The following RCOR3 variants were observed in gnomAD, a reference collection of about 807,000 sequenced individuals.
RCOR3 encodes the protein REST corepressor 3.
RCOR3 carries 13 observed loss-of-function variants against 64.1 expected under a neutral mutation model. The observed-to-expected ratio is 0.20, with a 90% confidence interval of 0.13 to 0.32. The LOEUF (loss-of-function observed/expected upper bound fraction) is 0.32. Ranked by LOEUF, RCOR3 falls within the 10% of genes least tolerant of loss-of-function variation. The pLI, the probability that RCOR3 is intolerant of heterozygous loss-of-function variation, is 1.00. For synonymous variants in RCOR3, 215 were observed against 239.0 expected (o/e 0.90, Z 0.93); for missense variants, 489 against 701.2 (o/e 0.70, Z 3.42).
At chr1:211,261,471 C>CT (rs966605838) in intron 2 of RCOR3, among the ~76,000 whole-genome samples, 35 of 152,320 alleles carry the variant, frequency 2.3e-4, no homozygotes, top group African/African-American at 7.9e-4. Flanking sequence ...TATTCAAAGA[C>CT]TATCAGTGTG....
chr1:211,292,631 T>G (rs889140437), intron 8 of RCOR3, among the ~76,000 whole-genome samples: 10 of 152,348 alleles, frequency 6.6e-5, no homozygotes, highest in African/African-American at 2.4e-4. Context: ...CACAAACATC[T>G]CATATGCAGT....
At chr1:211,295,785 A>G (rs775866684) in intron 9 of RCOR3, 32 bp downstream of exon 9, 22 of 1,588,422 alleles carry the variant, frequency 1.4e-5, no homozygotes, top group Non-Finnish European at 1.9e-5. Flanking sequence ...GTGATTAAGT[A>G]TAGTGAAAAC....
chr1:211,294,107 A>G (rs1571945335), intron 8 of RCOR3, among the ~76,000 whole-genome samples: 1 of 152,092 alleles, frequency 6.6e-6, no homozygotes, highest in African/African-American at 2.4e-5. Flanking sequence ...CAGTTAATAT[A>G]CTCTGGAAAA....
chr1:211,295,819 C>T, intron 9 of RCOR3, 66 bp downstream of exon 9: 1 of 1,256,398 alleles, frequency 8.0e-7, no homozygotes, highest in South Asian at 1.2e-5. Flanking sequence ...TATCTAGTGC[C>T]CAAGTACTAT....
At chr1:211,279,910 T>G (rs1697539683) in intron 7 of RCOR3, among the ~76,000 whole-genome samples, 1 of 152,170 alleles carries the variant, frequency 6.6e-6, no homozygotes, top group Admixed American at 6.6e-5. Flanking sequence ...CTATTCACGG[T>G]CTAAGAGATG....
At chr1:211,261,432 C>T (rs1480166364) in intron 2 of RCOR3, among the ~76,000 whole-genome samples, 1 of 152,118 alleles carries the variant, frequency 6.6e-6, no homozygotes, top group African/African-American at 2.4e-5. Flanking sequence ...TTTGGGTTGC[C>T]TTCTAAATGA....
intron 9 of RCOR3, among the ~76,000 whole-genome samples, chr1:211,298,127 G>T (rs115118311): frequency 0.027 from 4,040 of 152,258 alleles, 73 homozygotes; most frequent in Non-Finnish European, 0.038. Context: ...ACACAAAGAT[G>T]TGGACAAGAT....
In RCOR3 at chr1:211,313,569, G is replaced by A. The variant is rs1558119002; in HGVS notation, c.1463G>A (p.Arg488Gln). The change falls in exon 12 of 12, where the codon CGG (arginine) becomes CAG (glutamine). Residue 488 changes from arginine (R) to glutamine (Q), a missense_variant. By Grantham distance (43) the Arg-to-Gln change is conservative. Coordinates refer to ENST00000419091, the MANE Select transcript of RCOR3 (RefSeq NM_001136223.3). The surrounding 1 kb of genome is among the most constrained non-coding windows in gnomAD (Gnocchi z 4.7). ...CTGCCTGCTGCCCCGGCTCTTCACC[G>A]GCAGCCTCCTCCACTCCAGCAGCAG... Reference protein sequence around the residue: ...PTLPAAPALHRQPPPLQQQAR... With the variant: ...PTLPAAPALHQQPPPLQQQAR... 1 of 1,613,920 alleles carries A rather than the reference G, an allele frequency of 6.2e-7. No homozygotes were observed. The highest frequency in any genetic ancestry group is 8.5e-7 in the Non-Finnish European group (1 of 1,179,976).
chr1:211,263,766 A>C (rs1694751148), intron 2 of RCOR3, among the ~76,000 whole-genome samples: 1 of 152,164 alleles, frequency 6.6e-6, no homozygotes. Flanking sequence ...TAATTAGGTG[A>C]GAATATAAAC....
intron 2 of RCOR3, among the ~76,000 whole-genome samples, chr1:211,262,747 A>T (rs1468251749): frequency 6.6e-6 from 1 of 152,014 alleles, no homozygotes; most frequent in Non-Finnish European, 1.5e-5. Flanking sequence ...CAGGATAAAC[A>T]CTGGAACAAA....
intron 7 of RCOR3, among the ~76,000 whole-genome samples, chr1:211,282,350 C>G (rs550718104): frequency 6.6e-6 from 1 of 152,270 alleles, no homozygotes; most frequent in Admixed American, 6.5e-5. Context: ...TTTGTAGCTG[C>G]TTCTGCATGT....
chr1:211,290,143 C>T (rs1024261794), intron 8 of RCOR3, among the ~76,000 whole-genome samples: 14 of 152,000 alleles, frequency 9.2e-5, no homozygotes, highest in African/African-American at 3.4e-4. Context: ...TTTTTCTTAT[C>T]CCTTAAATCT....
chr1:211,306,053 ATTC>A (rs370430319), intron 10 of RCOR3, among the ~76,000 whole-genome samples: 30 of 152,092 alleles, frequency 2.0e-4, no homozygotes, highest in African/African-American at 5.8e-4. Flanking sequence ...TGTTTTATTT[ATTC>A]TTTGGATTTT....
intron 10 of RCOR3, 52 bp downstream of exon 10, chr1:211,304,192 G>T: frequency 7.6e-7 from 1 of 1,307,676 alleles, no homozygotes; most frequent in South Asian, 1.5e-5. Flanking sequence ...AATTTGTCAT[G>T]AAAGGTGACT....
chr1:211,314,335 T>G lies in RCOR3; in HGVS notation c.*567T>G, dbSNP rs1377008157. ...TATCCCTTCTTTCAAAAAATGTTGC[T>G]TTTTTTTTTAAAGGAATTTTAATAT... On this transcript the variant is annotated 3_prime_UTR_variant, in exon 12 of 12. Coordinates refer to ENST00000419091, the MANE Select transcript of RCOR3 (RefSeq NM_001136223.3). 2 of 136,340 alleles carry G rather than the reference T, an allele frequency of 1.5e-5. No individual in the cohort carries two copies. The highest frequency in any genetic ancestry group is 3.4e-5 in the Non-Finnish European group (2 of 59,306). The allele number at this position is 136,340 out of a possible 1,614,324, so 8.4% of individuals were successfully genotyped here.
intron 10 of RCOR3, among the ~76,000 whole-genome samples, chr1:211,308,556 T>G (rs1412309150): frequency 6.6e-6 from 1 of 151,798 alleles, no homozygotes; most frequent in Non-Finnish European, 1.5e-5. Flanking sequence ...CCAGTTAAAC[T>G]AAGTACATGT....
At chr1:211,263,399 T>A (rs4951517) in intron 2 of RCOR3, among the ~76,000 whole-genome samples, 145,540 of 152,202 alleles carry the variant, frequency 0.96, 69,653 homozygotes, top group East Asian at 1. Context: ...AAATGTTACT[T>A]TTTTTAAAGT....
At chr1:211,268,206 G>A (rs907141100) in intron 2 of RCOR3, among the ~76,000 whole-genome samples, 13 of 152,040 alleles carry the variant, frequency 8.6e-5, no homozygotes, top group African/African-American at 2.9e-4. Flanking sequence ...TAGATTTTAT[G>A]AATTAAGTAA....
At chr1:211,264,771 A>C (rs1694910974) in intron 2 of RCOR3, among the ~76,000 whole-genome samples, 1 of 152,240 alleles carries the variant, frequency 6.6e-6, no homozygotes, top group African/African-American at 2.4e-5. Flanking sequence ...TTAAGAGATT[A>C]GGAACAGTTT....
Sources: allele counts gnomAD v4.1 joint callset (sites outside exome capture counted in the v4.1 genomes callset), GRCh38; gene constraint gnomAD v4.1.1; non-coding constraint Gnocchi (gnomAD v3.1); transcripts MANE v1.5; gene names NCBI Gene and HGNC (gene_info 2026-07-23, HGNC 2026-07-21).